DPH6: variants seen among roughly 807,000 people sequenced by gnomAD.
DPH6 encodes the protein diphthine--ammonia ligase.
Under a neutral mutation model 38.2 loss-of-function variants are expected in DPH6, and 33 were observed. The ratio of observed to expected loss-of-function variants is 0.86; its 90% CI spans 0.65 to 1.15. The LOEUF (loss-of-function observed/expected upper bound fraction) is 1.15, where lower values mean the gene tolerates loss of function less well. Ranked by LOEUF, DPH6 falls within the 50% of genes most tolerant of loss-of-function variation. The pLI, the probability that DPH6 is intolerant of heterozygous loss-of-function variation, is 0.00. For synonymous variants in DPH6, 108 were observed against 103.0 expected, an observed-to-expected ratio of 1.05 and a Z score of -0.30; for missense variants, 325 against 320.0, an observed-to-expected ratio of 1.02 and a Z score of -0.12.
intron 6 of DPH6, among the ~76,000 whole-genome samples, chr15:35,390,497 G>T (rs1341284201): frequency 1.3e-5 from 2 of 152,114 alleles, no homozygotes; most frequent in Non-Finnish European, 2.9e-5. Flanking sequence ...CGTAGATTTG[G>T]TCTTTTCACA....
At chr15:35,156,989 C>A in the DPH6 span, among the ~76,000 whole-genome samples, 3 of 152,134 alleles carry the variant, frequency 2.0e-5, no homozygotes, top group African/African-American at 7.2e-5. Context: ...AAGTATTTGA[C>A]AGACACCACT....
intron 3 of DPH6, chr15:35,490,062 G>C (rs1432922955): frequency 6.1e-6 from 6 of 985,240 alleles, no homozygotes; most frequent in Non-Finnish European, 7.2e-6. Context: ...GACTATTTGA[G>C]CAATTATCTT....
the DPH6 span, among the ~76,000 whole-genome samples, chr15:35,158,399 C>T: frequency 1.3e-5 from 2 of 152,064 alleles, no homozygotes; most frequent in Non-Finnish European, 2.9e-5. Flanking sequence ...TATATGCACT[C>T]ACCAAATGTA....
At chr15:35,473,471 CA>C (rs1248649180) in intron 3 of DPH6, among the ~76,000 whole-genome samples, 3 of 133,286 alleles carry the variant, frequency 2.3e-5, no homozygotes, top group African/African-American at 3.1e-5. Flanking sequence ...TTCTCCTCTT[CA>C]AAAAACTGCC....
At chr15:35,184,260 C>T in the DPH6 span, among the ~76,000 whole-genome samples, 1 of 152,138 alleles carries the variant, frequency 6.6e-6, no homozygotes, top group Non-Finnish European at 1.5e-5. Context: ...AGACAGGATG[C>T]TTTTAGAAGA....
chr15:35,246,322 A>G (rs565357364), intron 3 of DPH6, among the ~76,000 whole-genome samples: 13 of 152,372 alleles, frequency 8.5e-5, no homozygotes, highest in African/African-American at 2.9e-4. Flanking sequence ...TTCAAATAAT[A>G]CTTGTTGAGC....
rs532920531 is a variant in DPH6, at chr15:35,526,405, T to G, written c.312+11869A>C. 2.0e-4 allele frequency among the ~76,000 whole-genome samples: 30 copies of G among 152,314 alleles called. No homozygotes were observed. In the South Asian group the frequency reaches 6.2e-3, roughly 32 times the overall value. ...TCTATGGGGATCAATATTAGCATAA[T>G]TTTGTCAAAGTTAGATAGGCTTAAT... On this transcript the variant is annotated intron_variant, in intron 3 of 8. Transcript: ENST00000256538.
chr15:35,386,133 T>A (rs1366695050), intron 6 of DPH6, among the ~76,000 whole-genome samples: 1 of 152,124 alleles, frequency 6.6e-6, no homozygotes, highest in African/African-American at 2.4e-5. Context: ...TTGCTGAGAA[T>A]GATGGTTTCC....
chr15:35,450,535 T>C (rs2053918851), intron 5 of DPH6, 150 bp downstream of exon 5: 1 of 666,392 alleles, frequency 1.5e-6, no homozygotes, highest in South Asian at 1.9e-5. Flanking sequence ...CTTTTCTTTA[T>C]GCAAGGAAGG....
intron 3 of DPH6, among the ~76,000 whole-genome samples, chr15:35,499,481 A>G (rs184981022): frequency 1.3e-5 from 2 of 152,294 alleles, no homozygotes; most frequent in African/African-American, 4.8e-5. Context: ...AAATATCTCC[A>G]TTCCCTATCC....
At chr15:35,507,738 C>T (rs2054713874) in intron 3 of DPH6, among the ~76,000 whole-genome samples, 1 of 151,992 alleles carries the variant, frequency 6.6e-6, no homozygotes, top group African/African-American at 2.4e-5. Context: ...AAAGAATGCA[C>T]AATGATACTA....
At chr15:35,293,009 C>T (rs2051990107) in intron 3 of DPH6, among the ~76,000 whole-genome samples, 1 of 151,984 alleles carries the variant, frequency 6.6e-6, no homozygotes, top group Admixed American at 6.6e-5. Flanking sequence ...CATTTGGGTA[C>T]AGCTATAACC....
At chr15:35,411,405 C>T (rs559564217) in intron 5 of DPH6, among the ~76,000 whole-genome samples, 2 of 151,766 alleles carry the variant, frequency 1.3e-5, no homozygotes, top group East Asian at 3.9e-4. Flanking sequence ...CAAATAATTG[C>T]ATTATTAAAT....
chr15:35,221,330 T>A (rs1198706707), intron 3 of DPH6, among the ~76,000 whole-genome samples: 1 of 152,156 alleles, frequency 6.6e-6, no homozygotes, highest in East Asian at 1.9e-4. Context: ...ATGGCTCCAC[T>A]AAGAACTTCC....
chr15:35,408,327 T>G (rs1174678634), intron 6 of DPH6, among the ~76,000 whole-genome samples: 1 of 151,912 alleles, frequency 6.6e-6, no homozygotes, highest in Non-Finnish European at 1.5e-5. Context: ...GGAAATAAAA[T>G]AGAAGGTAGA....
intron 6 of DPH6, among the ~76,000 whole-genome samples, chr15:35,384,177 A>G (rs1369328470): frequency 2.0e-5 from 3 of 152,212 alleles, no homozygotes; most frequent in South Asian, 4.1e-4. Flanking sequence ...AATCATTCCA[A>G]ATGCAATTTT....
chr15:35,508,309 A>G (rs2054723241), intron 3 of DPH6, among the ~76,000 whole-genome samples: 1 of 152,188 alleles, frequency 6.6e-6, no homozygotes, highest in Admixed American at 6.6e-5. Context: ...TAAAGTTTTA[A>G]TAAATTTTGA....
chr15:35,400,212 C>T (rs531986616), intron 6 of DPH6, among the ~76,000 whole-genome samples: 45 of 152,252 alleles, frequency 3.0e-4, no homozygotes, highest in African/African-American at 1.1e-3. Context: ...CAATTATTCA[C>T]TCAAGAGAAA....
chr15:35,298,159 C>CA, intron 3 of DPH6: 2 of 408,568 alleles, frequency 4.9e-6, no homozygotes, highest in South Asian at 4.0e-5. Flanking sequence ...ATGCAACAGT[C>CA]ATGGAGGCTG....
Sources: gnomAD v4.1 joint callset for allele counts (sites outside exome capture counted in the v4.1 genomes callset) on GRCh38, gnomAD v4.1.1 for gene constraint, MANE v1.5 for transcripts, NCBI Gene and HGNC (gene_info 2026-07-23, HGNC 2026-07-21) for gene names.